KICS2: variants seen among roughly 807,000 people sequenced by gnomAD.
The protein encoded by KICS2 is KICSTOR complex protein C12orf66.
A neutral mutation model predicts 31.4 loss-of-function variants in KICS2; 13 were observed. The ratio of observed to expected loss-of-function variants is 0.41; its 90% CI spans 0.27 to 0.66. KICS2 has a LOEUF of 0.66. Among genes scored for constraint, KICS2 ranks in the 30% least tolerant of loss-of-function variants. The pLI, the probability that KICS2 is intolerant of heterozygous loss-of-function variation, is 0.28. For synonymous variants in KICS2, 209 were observed against 214.8 expected, an observed-to-expected ratio of 0.97 and a Z score of 0.24; for missense variants, 455 against 545.4, an observed-to-expected ratio of 0.83 and a Z score of 1.65.
intron 2 of KICS2, among the ~76,000 whole-genome samples, chr12:64,207,368 A>T (rs550324886): frequency 1.3e-5 from 2 of 151,908 alleles, no homozygotes; most frequent in East Asian, 3.9e-4. Context: ...TTAACAAAAT[A>T]AAAAAGCAGG....
Position 64,194,506 on chromosome 12 carries a change from G to A in KICS2, c.674C>T (p.Thr225Met), listed in dbSNP as rs1348369096. 5.6e-6 allele frequency: 9 copies of A among 1,614,132 alleles called. No individual in the cohort carries two copies. The highest frequency in any genetic ancestry group is 1.3e-5 in the African/African-American group (1 of 75,014). Residue 225 changes from threonine (T) to methionine (M), a missense_variant, in exon 3 of 3, where the codon ACG becomes ATG. Physicochemically the swap from Thr to Met is moderately conservative, Grantham distance 81. Coordinates refer to ENST00000398055, the MANE Select transcript of KICS2 (RefSeq NM_152440.5). ...CTGTTTCTCAAAGATCTGGCCCCACGTCTGCAGTTTGGTGTGCGCACTGTG... is the reference window on the plus strand; with the variant it reads ...CTGTTTCTCAAAGATCTGGCCCCACATCTGCAGTTTGGTGTGCGCACTGTG... ...NLHSAHTKLQ[T>M]WGQIFEKQRE... is the part of the protein sequence containing the mutation.
chr12:64,222,054 C>A lies in KICS2; in HGVS notation c.184G>T (p.Ala62Ser), dbSNP rs760502678. The A allele has an allele frequency of 6.2e-7, 1 of 1,613,730 alleles. No homozygotes were observed. Among genetic ancestry groups the A allele is most frequent in the South Asian group, 1.1e-5 (1 of 91,050 alleles). The change falls in exon 1 of 3, where the codon GCC (alanine) becomes TCC (serine). Residue 62 changes from alanine (A) to serine (S), a missense_variant. Transcript: ENST00000398055. ...LSLLAALAHL[A>S]AAEKVYHSLT... The stretch of plus-strand genomic sequence containing the variant: ...CTGTGATAGACCTTCTCGGCCGCGG[C>A]CAGGTGCGCCAAGGCCGCCAGCAGC...
chr12:64,191,311 T>C lies in KICS2; in HGVS notation c.*2531A>G, dbSNP rs1256476790. The C allele has an allele frequency of 6.6e-6, 1 of 152,222 alleles. No homozygotes were observed. Among genetic ancestry groups the C allele is most frequent in the Non-Finnish European group, 1.5e-5 (1 of 68,046 alleles). The allele number at this position is 152,222 out of a possible 1,614,324, so 9.4% of individuals were successfully genotyped here. ...TCTATGACAGCTGCACAGTAATACA[T>C]ATTGTCTTAGATTTTCTTAATATTC... On this transcript the variant is annotated 3_prime_UTR_variant, in exon 3 of 3. Transcript: ENST00000398055.
downstream of KICS2, among the ~76,000 whole-genome samples, chr12:64,189,835 A>G (rs1013676664): frequency 3.3e-5 from 5 of 152,214 alleles, no homozygotes; most frequent in Non-Finnish European, 7.3e-5. Flanking sequence ...CTATAAATGT[A>G]TATGGGCCTA....
intron 2 of KICS2, among the ~76,000 whole-genome samples, chr12:64,212,162 G>C (rs903187597): frequency 2.6e-5 from 4 of 152,118 alleles, no homozygotes; most frequent in Non-Finnish European, 5.9e-5. Context: ...CAGCTTTACT[G>C]TTAATTATTT....
At chr12:64,204,165 G>A (rs372774934) in intron 2 of KICS2, among the ~76,000 whole-genome samples, 251 of 142,654 alleles carry the variant, frequency 1.8e-3, no homozygotes, top group African/African-American at 5.3e-3. Flanking sequence ...ATGAGAACAC[G>A]TGGACACAGG....
chr12:64,211,387 G>A (rs539475175), intron 2 of KICS2, among the ~76,000 whole-genome samples: 3 of 152,142 alleles, frequency 2.0e-5, no homozygotes, highest in African/African-American at 7.2e-5. Context: ...AGGCTGAGGT[G>A]GGGGGATCAT....
chr12:64,219,831 C>T (rs2037663054), intron 1 of KICS2, among the ~76,000 whole-genome samples: 2 of 152,206 alleles, frequency 1.3e-5, no homozygotes, highest in South Asian at 4.1e-4. Context: ...ATTTTTTAAA[C>T]GCACGCATAA....
At chr12:64,190,437 T>A (rs1379349200), downstream of KICS2, among the ~76,000 whole-genome samples, 1 of 152,122 alleles carries the variant, frequency 6.6e-6, no homozygotes, top group East Asian at 1.9e-4. Flanking sequence ...AGGAATTCCC[T>A]GGGAAAGTAG....
At position 64,194,848 on chromosome 12, in the gene KICS2, G is replaced by C. The variant is rs7959774; in HGVS notation, c.522-190C>G. On this transcript the variant is annotated intron_variant, in intron 2 of 2. Transcript: ENST00000398055. ...TATAATTTCACCATTTCAAAATTAT[G>C]TCAACATCATATTCTCCTGTGGAAA... Among the ~76,000 whole-genome samples the C allele has an allele frequency of 7.9e-3, 1,207 of 152,110 alleles. 18 individuals carry two copies. The highest frequency in any genetic ancestry group is 0.026 in the African/African-American group (1,094 of 41,480).
chr12:64,193,053 G>T lies in KICS2; in HGVS notation c.*789C>A. The stretch of plus-strand genomic sequence containing the variant: ...AACATGTACATTTCAGCAGAAAAGT[G>T]ATAAACAGAAAGCGAAGCGGATAAT... On this transcript the variant is annotated 3_prime_UTR_variant, in exon 3 of 3. Coordinates refer to ENST00000398055, the MANE Select transcript of KICS2 (RefSeq NM_152440.5). 1.0e-6 allele frequency: 1 copy of T among 985,452 alleles called. No individual in the cohort carries two copies. Among genetic ancestry groups the T allele is most frequent in the Non-Finnish European group, 1.2e-6 (1 of 829,926 alleles). 61.0% of individuals were successfully genotyped at this position (985,452 alleles called of 1,614,324 possible). A position where few individuals can be genotyped will look rare whatever the true frequency, so the allele number is the denominator to read the frequency against.
At chr12:64,212,418 T>C (rs924643602) in intron 2 of KICS2, among the ~76,000 whole-genome samples, 2 of 152,216 alleles carry the variant, frequency 1.3e-5, no homozygotes, top group Non-Finnish European at 2.9e-5. Flanking sequence ...ATGGAAATTA[T>C]GTAATTTCCA....
At chr12:64,201,621 A>AG (rs1366020103) in intron 2 of KICS2, among the ~76,000 whole-genome samples, 1 of 146,366 alleles carries the variant, frequency 6.8e-6, no homozygotes, top group Non-Finnish European at 1.5e-5. Context: ...AAAAAAAAGA[A>AG]AAAAAAAAAA....
downstream of KICS2, chr12:64,186,923 C>T (rs1469641357): frequency 6.6e-6 from 1 of 152,232 alleles, no homozygotes; most frequent in Non-Finnish European, 1.5e-5. Context: ...ACTGCTCTGA[C>T]ACTGGCCTAG....
chr12:64,187,918 C>T (rs1234822566), downstream of KICS2, among the ~76,000 whole-genome samples: 1 of 152,100 alleles, frequency 6.6e-6, no homozygotes, highest in East Asian at 1.9e-4. Context: ...GTAACTTTTC[C>T]TGCCAAATAA....
At chr12:64,220,715 T>C (rs2037673313) in intron 1 of KICS2, among the ~76,000 whole-genome samples, 1 of 152,156 alleles carries the variant, frequency 6.6e-6, no homozygotes, top group African/African-American at 2.4e-5. Flanking sequence ...ACATAAATTA[T>C]AATTTTCATA....
chr12:64,216,107 G>T lies in KICS2; in HGVS notation c.236-144C>A, dbSNP rs1046463236. 2.7e-5 allele frequency: 10 copies of T among 370,848 alleles called. No individual in the cohort carries two copies. The African/African-American group carries it at 3.5e-4, about 13-fold the overall frequency. The allele number at this position is 370,848 out of a possible 1,614,324, so 23.0% of individuals were successfully genotyped here. ...TACCATATTCTCTGTCTATGATTGA[G>T]ATATAAATACTTTATGATAATCATA... On this transcript the variant is annotated intron_variant, in intron 1 of 2. Transcript: ENST00000398055.
At chr12:64,206,389 C>T (rs2037539337) in intron 2 of KICS2, among the ~76,000 whole-genome samples, 2 of 152,142 alleles carry the variant, frequency 1.3e-5, no homozygotes, top group South Asian at 4.1e-4. Flanking sequence ...AACTTGTTTA[C>T]TAATGCTTAA....
At position 64,194,316 on chromosome 12, in the gene KICS2, C is replaced by G; in HGVS notation, c.864G>C (p.Thr288=). ...AGTCTGGGTTAGCTTTTGCTGTCAA[C>G]GTTTTCATTTCTGAAGCAGTCGTTT... ...SRQTTASEMK[T]LTAKANPDFF... is the part of the protein sequence containing the mutation. The change falls in exon 3 of 3, where the codon ACG becomes ACC. Residue 288 remains threonine (T), a synonymous_variant. Coordinates refer to ENST00000398055, the MANE Select transcript of KICS2 (RefSeq NM_152440.5). 1 of 1,614,060 alleles carries G rather than the reference C, an allele frequency of 6.2e-7. No homozygotes were observed. The highest frequency in any genetic ancestry group is 1.6e-4 in the Middle Eastern group (1 of 6,062).
Sources: gnomAD v4.1 joint callset for allele counts (sites outside exome capture counted in the v4.1 genomes callset) on GRCh38, gnomAD v4.1.1 for gene constraint, MANE v1.5 for transcripts, NCBI Gene and HGNC (gene_info 2026-07-23, HGNC 2026-07-21) for gene names.